CEP112: variants seen among roughly 807,000 people sequenced by gnomAD.
CEP112 encodes centrosomal protein of 112 kDa.
CEP112 carries 127 observed loss-of-function variants against 153.0 expected under a neutral mutation model. The observed-to-expected ratio is 0.83, with a 90% CI of 0.72 to 0.96. The LOEUF is 0.96. Among genes scored for constraint, CEP112 ranks in the 40% least tolerant of loss-of-function variants. The pLI is 0.00. For missense variants in CEP112, 1,089 were observed against 1,101.2 expected, an observed-to-expected ratio of 0.99 and a Z score of 0.16; for synonymous variants, 358 against 374.4, an observed-to-expected ratio of 0.96 and a Z score of 0.51.
chr17:65,800,304 TTC>T (rs2055188153), intron 21 of CEP112, among the ~76,000 whole-genome samples: 1 of 152,162 alleles, frequency 6.6e-6, no homozygotes, highest in Non-Finnish European at 1.5e-5. Context: ...CTAATCCACA[TTC>T]TGTTTCTACG....
intron 21 of CEP112, among the ~76,000 whole-genome samples, chr17:65,797,662 C>G (rs1417996762): frequency 6.6e-6 from 1 of 152,170 alleles, no homozygotes; most frequent in African/African-American, 2.4e-5. Context: ...TAGCTTCATA[C>G]CACACACCTG....
At chr17:65,977,266 C>A (rs1454553610) in intron 17 of CEP112, among the ~76,000 whole-genome samples, 3 of 152,136 alleles carry the variant, frequency 2.0e-5, no homozygotes, top group Non-Finnish European at 2.9e-5. Context: ...CTTTAGCTTG[C>A]GTATGGCCCG....
Position 65,645,424 on chromosome 17 carries a change from C to G in CEP112, c.2698-4359G>C, listed in dbSNP as rs548399073. Reference sequence around the variant, plus strand: ...TTCATTTCATTTTGTATAATAGCCTCTAGCCTAATTACTATATTTCCTTGG... The same window carrying G: ...TTCATTTCATTTTGTATAATAGCCTGTAGCCTAATTACTATATTTCCTTGG... On this transcript the variant is annotated intron_variant, in intron 24 of 26. Coordinates refer to ENST00000535342, the MANE Select transcript of CEP112 (RefSeq NM_001199165.4). Among the ~76,000 whole-genome samples, 5 of 152,268 alleles carry G rather than the reference C, an allele frequency of 3.3e-5. No individual in the cohort carries two copies. The East Asian group carries it at 9.7e-4, about 29-fold the overall frequency.
At chr17:65,765,209 C>A (rs1371825222) in intron 21 of CEP112, among the ~76,000 whole-genome samples, 3 of 136,628 alleles carry the variant, frequency 2.2e-5, no homozygotes, top group East Asian at 4.3e-4. Flanking sequence ...TGATTGATAT[C>A]ATCAAATTGT....
chr17:65,825,052 T>C (rs2056772325), intron 21 of CEP112, among the ~76,000 whole-genome samples: 1 of 152,210 alleles, frequency 6.6e-6, no homozygotes, highest in African/African-American at 2.4e-5. Flanking sequence ...TTATTCATAA[T>C]GTGACAAAAG....
At chr17:65,726,323 G>C (rs2050177365) in intron 23 of CEP112, among the ~76,000 whole-genome samples, 1 of 150,366 alleles carries the variant, frequency 6.7e-6, no homozygotes, top group South Asian at 2.2e-4. Context: ...TGGGTGACAG[G>C]GCGAGACTCC....
chr17:66,102,995 G>A (rs2068629066), intron 6 of CEP112, among the ~76,000 whole-genome samples: 1 of 151,438 alleles, frequency 6.6e-6, no homozygotes, highest in Non-Finnish European at 1.5e-5. Context: ...AGGCTGAGCT[G>A]GGCAGATCAC....
chr17:65,974,943 T>C (rs1435053106), intron 17 of CEP112, among the ~76,000 whole-genome samples: 1 of 119,774 alleles, frequency 8.3e-6, no homozygotes, highest in Non-Finnish European at 1.7e-5. Context: ...CATATTAATG[T>C]TTTATTTACT....
intron 4 of CEP112, among the ~76,000 whole-genome samples, chr17:66,168,423 G>GTA (rs34227339): frequency 3.0e-4 from 42 of 140,372 alleles, no homozygotes; most frequent in African/African-American, 1.0e-3. Context: ...GTGTGTGTGT[G>GTA]TATATATATG....
chr17:65,750,910 A>G (rs1598466106), intron 21 of CEP112, 186 bp from the exon 22 acceptor site: 1 of 534,476 alleles, frequency 1.9e-6, no homozygotes, highest in East Asian at 3.0e-5. Flanking sequence ...AAAAAAAAAA[A>G]AAAGATCTCT....
chr17:66,172,231 A>G (rs913991168), intron 4 of CEP112, among the ~76,000 whole-genome samples: 2 of 152,228 alleles, frequency 1.3e-5, no homozygotes, highest in African/African-American at 2.4e-5. Context: ...CAGCAAAAAC[A>G]CAAGTTCCTA....
intron 17 of CEP112, among the ~76,000 whole-genome samples, chr17:66,002,783 T>G (rs2064116238): frequency 6.6e-6 from 1 of 152,176 alleles, no homozygotes; most frequent in Non-Finnish European, 1.5e-5. Flanking sequence ...ATATTCAACA[T>G]GCACAGAAGA....
At chr17:65,999,096 T>C (rs1598058527) in intron 17 of CEP112, among the ~76,000 whole-genome samples, 1 of 152,334 alleles carries the variant, frequency 6.6e-6, no homozygotes, top group South Asian at 2.1e-4. Context: ...AAGACAAATA[T>C]TTTATTCATC....
At chr17:65,881,200 G>C (rs566928327) in intron 20 of CEP112, among the ~76,000 whole-genome samples, 103 of 152,314 alleles carry the variant, frequency 6.8e-4, no homozygotes, top group African/African-American at 2.2e-3. Flanking sequence ...CTGGGCGACA[G>C]AGAGAGACTC....
At chr17:66,127,720 C>G (rs1013345615) in intron 6 of CEP112, among the ~76,000 whole-genome samples, 1 of 152,122 alleles carries the variant, frequency 6.6e-6, no homozygotes, top group South Asian at 2.1e-4. Flanking sequence ...CAACATATAC[C>G]TCCAGCTCTT....
At chr17:66,007,228 A>T (rs2145463551) in intron 16 of CEP112, among the ~76,000 whole-genome samples, 1 of 152,308 alleles carries the variant, frequency 6.6e-6, no homozygotes, top group East Asian at 1.9e-4. Context: ...GAATACACTG[A>T]GAGGCAGAGA....
intron 21 of CEP112, among the ~76,000 whole-genome samples, chr17:65,762,165 C>T (rs2052654899): frequency 1.3e-5 from 2 of 151,848 alleles, no homozygotes; most frequent in African/African-American, 2.4e-5. Context: ...ATAATTAAAC[C>T]CTTTATCATT....
At chr17:66,117,000 G>A (rs2069329391) in intron 6 of CEP112, among the ~76,000 whole-genome samples, 1 of 151,094 alleles carries the variant, frequency 6.6e-6, no homozygotes, top group South Asian at 2.1e-4. Context: ...CTGAGTAACT[G>A]GAACTACAAG....
intron 6 of CEP112, among the ~76,000 whole-genome samples, chr17:66,102,241 T>A (rs149371872): frequency 4.8e-3 from 726 of 152,304 alleles, no homozygotes; most frequent in Non-Finnish European, 8.2e-3. Flanking sequence ...GAGACGTTTA[T>A]GACAAGCTGT....
Sources: gnomAD v4.1 joint callset for allele counts (sites outside exome capture counted in the v4.1 genomes callset) on GRCh38, gnomAD v4.1.1 for gene constraint, MANE v1.5 for transcripts, NCBI Gene and HGNC (gene_info 2026-07-23, HGNC 2026-07-21) for gene names.